FBXO4: variants seen among roughly 807,000 people sequenced by gnomAD.
FBXO4 encodes the protein F-box protein 4.
FBXO4 carries 36 observed loss-of-function variants against 43.7 expected under a neutral mutation model. The ratio of observed to expected loss-of-function variants is 0.82; its 90% CI spans 0.63 to 1.09. FBXO4 has a LOEUF of 1.09. Ranked by LOEUF, FBXO4 falls within the 50% of genes least tolerant of loss-of-function variation. FBXO4 has a pLI of 0.00. For missense variants in FBXO4, 435 were observed against 474.1 expected (o/e 0.92, Z 0.77); for synonymous variants, 180 against 165.6 (o/e 1.09, Z -0.67).
At chr5:41,944,919 A>G (rs1752055710), downstream of FBXO4, among the ~76,000 whole-genome samples, 1 of 152,224 alleles carries the variant, frequency 6.6e-6, no homozygotes, top group Admixed American at 6.5e-5. Flanking sequence ...CAATTAGCAA[A>G]GTTTCTATCT....
chr5:42,022,238 G>C, the FBXO4 span, among the ~76,000 whole-genome samples: 1 of 152,252 alleles, frequency 6.6e-6, no homozygotes, highest in South Asian at 2.1e-4. Context: ...TAAGCAAATA[G>C]ATGCAGACAT....
At chr5:42,031,222 C>G in the FBXO4 span, among the ~76,000 whole-genome samples, 2 of 151,668 alleles carry the variant, frequency 1.3e-5, no homozygotes, top group Non-Finnish European at 2.9e-5. Flanking sequence ...TTTCCAACAA[C>G]AATAGACTGG....
the FBXO4 span, among the ~76,000 whole-genome samples, chr5:42,000,988 C>T: frequency 6.6e-6 from 1 of 152,138 alleles, no homozygotes; most frequent in Non-Finnish European, 1.5e-5. Flanking sequence ...GTTTGCAACA[C>T]ATTTAGAAAT....
chr5:41,972,631 G>T, the FBXO4 span, among the ~76,000 whole-genome samples: 1 of 151,944 alleles, frequency 6.6e-6, no homozygotes, highest in Non-Finnish European at 1.5e-5. Flanking sequence ...ATCCTAAGCA[G>T]AAAGAACAAA....
chr5:42,019,426 C>T, the FBXO4 span, among the ~76,000 whole-genome samples: 2 of 152,250 alleles, frequency 1.3e-5, no homozygotes, highest in East Asian at 1.9e-4. Context: ...CAGTGGCTCA[C>T]GCCTGTAATC....
the FBXO4 span, among the ~76,000 whole-genome samples, chr5:42,005,704 G>C: frequency 2.0e-5 from 3 of 152,048 alleles, no homozygotes; most frequent in Non-Finnish European, 2.9e-5. Flanking sequence ...TACAGAAGTT[G>C]ATCAAATCTG....
chr5:41,980,802 A>AT, the FBXO4 span, among the ~76,000 whole-genome samples: 18 of 151,574 alleles, frequency 1.2e-4, no homozygotes, highest in African/African-American at 3.6e-4. Flanking sequence ...TAACCCAAGT[A>AT]TTTTTTTTCT....
the FBXO4 span, among the ~76,000 whole-genome samples, chr5:41,953,103 G>A: frequency 2.2e-3 from 329 of 151,580 alleles, no homozygotes; most frequent in African/African-American, 7.5e-3. Context: ...CCATTAACTC[G>A]TCATTTAGCA....
At chr5:41,994,166 A>G in the FBXO4 span, among the ~76,000 whole-genome samples, 7 of 152,320 alleles carry the variant, frequency 4.6e-5, no homozygotes, top group South Asian at 1.2e-3. Context: ...TATCCTTCGT[A>G]CAACCAGAAA....
chr5:41,927,334 T>C, intron 2 of FBXO4, 86 bp downstream of exon 2: 1 of 996,936 alleles, frequency 1.0e-6, no homozygotes, highest in Non-Finnish European at 1.5e-6. Context: ...CTGACCCTGC[T>C]ACTGATTTGT....
chr5:42,006,521 C>G, the FBXO4 span, among the ~76,000 whole-genome samples: 1 of 151,838 alleles, frequency 6.6e-6, no homozygotes, highest in Non-Finnish European at 1.5e-5. Flanking sequence ...TAGTATATAG[C>G]AATAAGTAAA....
At chr5:41,963,462 A>T in the FBXO4 span, among the ~76,000 whole-genome samples, 30 of 152,270 alleles carry the variant, frequency 2.0e-4, no homozygotes, top group Non-Finnish European at 1.5e-5. Flanking sequence ...GTTAGGGCTG[A>T]TCCCCCACAT....
chr5:41,971,283 G>C, the FBXO4 span, among the ~76,000 whole-genome samples: 1 of 151,552 alleles, frequency 6.6e-6, no homozygotes, highest in African/African-American at 2.4e-5. Context: ...TTAAGGTGAT[G>C]AGCATTGGTG....
chr5:41,935,207 A>G, intron 5 of FBXO4: 4 of 869,062 alleles, frequency 4.6e-6, no homozygotes, highest in Non-Finnish European at 5.5e-6. Context: ...GCTCCTATAA[A>G]ACAAGCACAC....
the FBXO4 span, among the ~76,000 whole-genome samples, chr5:41,956,391 G>A: frequency 6.6e-6 from 1 of 152,154 alleles, no homozygotes; most frequent in African/African-American, 2.4e-5. Flanking sequence ...TGAAGATGCA[G>A]CAAATATATT....
the FBXO4 span, among the ~76,000 whole-genome samples, chr5:41,974,874 A>G: frequency 6.6e-6 from 1 of 152,128 alleles, no homozygotes; most frequent in African/African-American, 2.4e-5. Context: ...GTTACGTAGG[A>G]AATAATGGTT....
At chr5:42,028,672 C>T in the FBXO4 span, among the ~76,000 whole-genome samples, 1 of 151,388 alleles carries the variant, frequency 6.6e-6, no homozygotes, top group Non-Finnish European at 1.5e-5. Flanking sequence ...TATATTCTTG[C>T]TTTTAATTTT....
intron 6 of FBXO4, 57 bp downstream of exon 6, chr5:41,939,673 T>G (rs1751951462): frequency 1.9e-5 from 26 of 1,393,884 alleles, no homozygotes; most frequent in Non-Finnish European, 2.3e-5. Flanking sequence ...ATTTTCTATT[T>G]GATTTTATTT....
intron 6 of FBXO4, among the ~76,000 whole-genome samples, chr5:41,940,014 T>C (rs1441858009): frequency 6.6e-6 from 1 of 151,066 alleles, no homozygotes; most frequent in South Asian, 2.1e-4. Context: ...CACACCCAGA[T>C]AATTTTTTGT....
Sources: gnomAD v4.1 joint callset for allele counts (sites outside exome capture counted in the v4.1 genomes callset) on GRCh38, gnomAD v4.1.1 for gene constraint, MANE v1.5 for transcripts, NCBI Gene and HGNC (gene_info 2026-07-23, HGNC 2026-07-21) for gene names.